Variants in PKHD1L1 observed in about 807,000 individuals in gnomAD.
PKHD1L1 encodes fibrocystin-L.
In PKHD1L1, 434 loss-of-function variants were observed where a neutral mutation model predicts 462.9. The ratio of observed to expected loss-of-function variants is 0.94; its 90% CI spans 0.87 to 1.02. PKHD1L1 has a LOEUF of 1.02. PKHD1L1 is among the 50% of genes least tolerant of loss of function. The pLI is 0.00. For missense variants in PKHD1L1, 5,202 were observed against 5,096.1 expected, an observed-to-expected ratio of 1.02 and a Z score of -0.63; for synonymous variants, 1,781 against 1,750.0, an observed-to-expected ratio of 1.02 and a Z score of -0.44.
At chr8:109,512,159 G>A (rs1400675265) in intron 71 of PKHD1L1, among the ~76,000 whole-genome samples, 2 of 152,072 alleles carry the variant, frequency 1.3e-5, no homozygotes, top group Non-Finnish European at 2.9e-5. Context: ...TGTTCACTCT[G>A]ATGGTAGTTT....
In PKHD1L1 at chr8:109,475,160, T is replaced by C; in HGVS notation, c.8648T>C (p.Met2883Thr). 2 of 1,612,614 alleles carry C rather than the reference T, an allele frequency of 1.2e-6. No individual in the cohort carries two copies. The highest frequency in any genetic ancestry group is 1.3e-5 in the African/African-American group (1 of 75,004). ...IPFQKKRLTHMSGWMALIPNA... is the reference protein window; with the variant it reads ...IPFQKKRLTHTSGWMALIPNA... ...TTTCAGAAGAAACGACTGACTCATA[T>C]GTCTGGATGGATGGCTCTGATTCCA... The change falls in exon 51 of 78, where the codon ATG (methionine) becomes ACG (threonine). Residue 2883 changes from methionine to threonine, a missense_variant. Physicochemically the swap from Met to Thr is moderately conservative, Grantham distance 81. Coordinates refer to ENST00000378402, the MANE Select transcript of PKHD1L1 (RefSeq NM_177531.6).
At chr8:109,469,650 T>C (rs1204857127) in intron 50 of PKHD1L1, among the ~76,000 whole-genome samples, 1 of 152,170 alleles carries the variant, frequency 6.6e-6, no homozygotes, top group Non-Finnish European at 1.5e-5. Flanking sequence ...ACATTTTTTC[T>C]AGGTTTTTTT....
chr8:109,433,187 C>T lies in PKHD1L1; in HGVS notation c.3311C>T (p.Pro1104Leu), dbSNP rs757565015. The T allele has an allele frequency of 6.2e-7, 1 of 1,613,204 alleles. No homozygotes were observed. Among genetic ancestry groups the T allele is most frequent in the Non-Finnish European group, 8.5e-7 (1 of 1,179,382 alleles). The change falls in exon 28 of 78, where the codon CCA (proline) becomes CTA (leucine). Residue 1104 changes from proline (P) to leucine (L), a missense_variant. Pro to Leu is a moderately conservative substitution (Grantham distance 98, BLOSUM62 -3). Coordinates refer to ENST00000378402, the MANE Select transcript of PKHD1L1 (RefSeq NM_177531.6). ...TCAGCTGTAACAGTCTCAGTTGGAC[C>T]AGTAGGTTGTTCTCTTCTTTCTGTG... ...PSSAVTVSVG[P>L]VGCSLLSVDE... is the part of the protein sequence containing the mutation.
intron 21 of PKHD1L1, among the ~76,000 whole-genome samples, chr8:109,418,265 C>T (rs7840383): frequency 0.011 from 1,644 of 151,824 alleles, 26 homozygotes; most frequent in African/African-American, 0.036. Flanking sequence ...AGCACCTTAA[C>T]TTAATGTCGT....
At chr8:109,494,061 A>G (rs1818967335) in intron 63 of PKHD1L1, among the ~76,000 whole-genome samples, 1 of 151,908 alleles carries the variant, frequency 6.6e-6, no homozygotes, top group Non-Finnish European at 1.5e-5. Flanking sequence ...AACGGCACTT[A>G]TTATAGAGAT....
chr8:109,367,076 C>A (rs1434241338), intron 2 of PKHD1L1, among the ~76,000 whole-genome samples: 1 of 152,180 alleles, frequency 6.6e-6, no homozygotes, highest in East Asian at 1.9e-4. Context: ...ATATGTCAAT[C>A]ATAGCTCAAT....
intron 73 of PKHD1L1, among the ~76,000 whole-genome samples, chr8:109,519,855 G>A (rs775935520): frequency 1.4e-4 from 22 of 152,090 alleles, no homozygotes; most frequent in Non-Finnish European, 2.5e-4. Context: ...ACTAGGTTGG[G>A]ATCTACCCTA....
Position 109,409,910 on chromosome 8 carries a change from C to A in PKHD1L1, c.2017C>A (p.Gln673Lys), listed in dbSNP as rs1813749915. ...EEMVSTKCPPQIANFEEGFVV... is the reference protein window; with the variant it reads ...EEMVSTKCPPKIANFEEGFVV... ...AATGGTTAGCACTAAGTGTCCACCACAAATTGCAAATTTTGAAGAAGGATT... is the reference window on the plus strand; with the variant it reads ...AATGGTTAGCACTAAGTGTCCACCAAAAATTGCAAATTTTGAAGAAGGATT... Residue 673 changes from glutamine (Q) to lysine (K), a missense_variant, in exon 19 of 78, where the codon CAA (glutamine) becomes AAA (lysine). By Grantham distance (53) the Gln-to-Lys change is moderately conservative. Around this residue, in one of 3 missense-constraint regions of PKHD1L1, gnomAD observed 4,497 missense variants for 4,336.8 expected, o/e 1.04. Coordinates refer to ENST00000378402, the MANE Select transcript of PKHD1L1 (RefSeq NM_177531.6). 1 of 1,606,804 alleles carries A rather than the reference C, an allele frequency of 6.2e-7. No homozygotes were observed. Among genetic ancestry groups the A allele is most frequent in the African/African-American group, 1.3e-5 (1 of 74,550 alleles).
In PKHD1L1 at chr8:109,441,364, A is replaced by G. The variant is rs1419530808; in HGVS notation, c.4189A>G (p.Asn1397Asp). 1 of 1,555,756 alleles carries G rather than the reference A, an allele frequency of 6.4e-7. No homozygotes were observed. Among genetic ancestry groups the G allele is most frequent in the African/African-American group, 1.4e-5 (1 of 73,076 alleles). ...TGGGAATATATTCAGGATTACCAACAATGGGAAAGATTCAGGTATCAGCCA... is the reference window on the plus strand; with the variant it reads ...TGGGAATATATTCAGGATTACCAACGATGGGAAAGATTCAGGTATCAGCCA... The part of the protein sequence containing the change: ...STGNIFRITN[N>D]GKDSVHGLGY... Residue 1397 changes from asparagine (N) to aspartate (D), a missense_variant, in exon 34 of 78, where the codon AAT becomes GAT. Physicochemically the swap from Asn to Asp is conservative, Grantham distance 23. This residue lies in a region of PKHD1L1 where 4,497 missense variants were observed against 4,336.8 expected (regional missense o/e 1.04). Coordinates refer to ENST00000378402, the MANE Select transcript of PKHD1L1 (RefSeq NM_177531.6).
intron 21 of PKHD1L1, among the ~76,000 whole-genome samples, chr8:109,416,901 G>C: frequency 6.6e-6 from 1 of 152,284 alleles, no homozygotes; most frequent in South Asian, 2.1e-4. Context: ...ATTAAACAGT[G>C]AAATAACAAT....
In PKHD1L1 at chr8:109,440,575, G is replaced by T. The variant is rs73309304; in HGVS notation, c.3957-135G>T. The T allele has an allele frequency of 5.7e-4, 366 of 645,414 alleles. 1 individual carries two copies. Among genetic ancestry groups the T allele is most frequent in the African/African-American group, 5.2e-3 (286 of 54,836 alleles). The allele number at this position is 645,414 out of a possible 1,614,324, so 40.0% of individuals were successfully genotyped here. ...TCGAGATTATGATAATTGCCAGATTGTCTATCTTGAAAAAGTAATGTACAG... is the reference window on the plus strand; with the variant it reads ...TCGAGATTATGATAATTGCCAGATTTTCTATCTTGAAAAAGTAATGTACAG... On this transcript the variant is annotated intron_variant, in intron 32 of 77. Coordinates refer to ENST00000378402, the MANE Select transcript of PKHD1L1 (RefSeq NM_177531.6).
chr8:109,494,611 G>A (rs555172642), intron 63 of PKHD1L1, among the ~76,000 whole-genome samples: 1 of 152,040 alleles, frequency 6.6e-6, no homozygotes, highest in South Asian at 2.1e-4. Context: ...ATTCTTAAGT[G>A]CTTACTGGAG....
At chr8:109,474,486 A>G (rs1482107889) in intron 50 of PKHD1L1, among the ~76,000 whole-genome samples, 2 of 152,176 alleles carry the variant, frequency 1.3e-5, no homozygotes, top group African/African-American at 4.8e-5. Flanking sequence ...TAAAATGTAT[A>G]TATCTTCATC....
At chr8:109,392,734 T>C (rs778874563) in intron 9 of PKHD1L1, among the ~76,000 whole-genome samples, 2 of 152,218 alleles carry the variant, frequency 1.3e-5, no homozygotes, top group Non-Finnish European at 2.9e-5. Context: ...ATTTTTTGAA[T>C]GTTAAATCAT....
chr8:109,442,192 T>C lies in PKHD1L1; in HGVS notation c.4390T>C (p.Ser1464Pro), dbSNP rs1454979823. The C allele has an allele frequency of 6.2e-7, 1 of 1,608,250 alleles. No homozygotes were observed. The highest frequency in any genetic ancestry group is 8.5e-7 in the Non-Finnish European group (1 of 1,177,722). Residue 1464 changes from serine to proline, a missense_variant, in exon 35 of 78, where the codon TCA becomes CCA. By Grantham distance (74) the Ser-to-Pro change is moderately conservative. Around this residue, in one of 3 missense-constraint regions of PKHD1L1, gnomAD observed 4,497 missense variants for 4,336.8 expected, o/e 1.04. Coordinates refer to ENST00000378402, the MANE Select transcript of PKHD1L1 (RefSeq NM_177531.6). ...GFTSGRQKSTSGSFSYQFTSP... is the reference protein window; with the variant it reads ...GFTSGRQKSTPGSFSYQFTSP... ...CACAAGTGGAAGACAAAAATCTACA[T>C]CAGGTATGTTTCTGCTTATTGGGTT...
At chr8:109,396,690 T>TCCTGGG (rs930251285) in intron 11 of PKHD1L1, among the ~76,000 whole-genome samples, 2 of 152,034 alleles carry the variant, frequency 1.3e-5, no homozygotes, top group African/African-American at 4.8e-5. Context: ...CTTTTATGTG[T>TCCTGGG]CCTGTCCAGA....
chr8:109,518,848 A>C (rs1299416368), intron 73 of PKHD1L1, among the ~76,000 whole-genome samples: 1 of 152,104 alleles, frequency 6.6e-6, no homozygotes, highest in African/African-American at 2.4e-5. Flanking sequence ...AAGACAGAGG[A>C]AAAAGAGTGT....
At position 109,477,349 on chromosome 8, in the gene PKHD1L1, T is replaced by C. The variant is rs1586591719; in HGVS notation, c.9042T>C (p.His3014=). Residue 3014 remains histidine (H), a synonymous_variant, in exon 53 of 78, where the codon CAT becomes CAC. Transcript: ENST00000378402. ...TTCTCCAGGATTGCTTTCCTGTACATCCGCCATCAAGAAAACCAATTCCCA... is the reference window on the plus strand; with the variant it reads ...TTCTCCAGGATTGCTTTCCTGTACACCCGCCATCAAGAAAACCAATTCCCA... ...CCILQDCFPV[H]PPSRKPIPKK... is the part of the protein sequence containing the mutation. 1.2e-6 allele frequency: 2 copies of C among 1,613,388 alleles called. No homozygotes were observed. The highest frequency in any genetic ancestry group is 1.1e-5 in the South Asian group (1 of 91,030).
rs746422889 is a variant in PKHD1L1 at position 109,440,803 on chromosome 8, A to G, written c.4050A>G (p.Ile1350Met). The G allele has an allele frequency of 1.2e-6, 2 of 1,613,096 alleles. No individual in the cohort carries two copies. Among genetic ancestry groups the G allele is most frequent in the Non-Finnish European group, 1.7e-6 (2 of 1,179,294 alleles). ...GSLFGGTEIT[I>M]RGFGFSTIPA... ...TGTTTGGTGGAACTGAAATCACCAT[A>G]AGGGGTTTTGGATTCAGCACAATAC... is the stretch of plus-strand genomic sequence containing the variant. The change falls in exon 33 of 78, where the codon ATA becomes ATG. Residue 1350 changes from isoleucine (I) to methionine (M), a missense_variant. By Grantham distance (10) the Ile-to-Met change is conservative (BLOSUM62 1). Transcript: ENST00000378402.
Sources: allele counts gnomAD v4.1 joint callset (sites outside exome capture counted in the v4.1 genomes callset), GRCh38; gene constraint gnomAD v4.1.1; regional missense constraint gnomAD v4.1.1; transcripts MANE v1.5; gene names NCBI Gene and HGNC (gene_info 2026-07-23, HGNC 2026-07-21).